WSCD2: variants seen among roughly 807,000 people sequenced by gnomAD.
WSCD2 encodes the protein WSC domain sialate O sulfotransferase 2.
In WSCD2, 28 loss-of-function variants were observed where a neutral mutation model predicts 55.7. The ratio of observed to expected loss-of-function variants is 0.50; its 90% CI spans 0.37 to 0.69. WSCD2 has a LOEUF of 0.69. WSCD2 is among the 30% of genes least tolerant of loss of function. WSCD2 has a pLI of 0.00. For missense variants in WSCD2, 616 were observed against 762.1 expected (o/e 0.81, Z 2.26); for synonymous variants, 301 against 301.9 (o/e 1.00, Z 0.03).
intron 1 of WSCD2, among the ~76,000 whole-genome samples, chr12:108,192,007 A>G (rs1376202494): frequency 2.0e-5 from 3 of 152,202 alleles, no homozygotes; most frequent in Admixed American, 2.0e-4. Flanking sequence ...GTGTTGGAAT[A>G]TGAAAGAACG....
At chr12:108,163,200 T>C (rs1468706181) in intron 1 of WSCD2, among the ~76,000 whole-genome samples, 3 of 152,018 alleles carry the variant, frequency 2.0e-5, no homozygotes, top group Admixed American at 6.5e-5. Flanking sequence ...AAATCCCGTC[T>C]CTACTAAAAA....
intron 1 of WSCD2, among the ~76,000 whole-genome samples, chr12:108,156,241 G>A (rs904549204): frequency 3.3e-5 from 5 of 152,154 alleles, no homozygotes; most frequent in African/African-American, 1.2e-4. Flanking sequence ...GCTCAGGTCC[G>A]TGTCCTGGCC....
At chr12:108,187,984 G>C (rs373659766) in intron 1 of WSCD2, among the ~76,000 whole-genome samples, 61 of 152,314 alleles carry the variant, frequency 4.0e-4, no homozygotes, top group Non-Finnish European at 5.1e-4. Context: ...AGGCACTAGA[G>C]TCATTACCCA....
chr12:108,166,795 T>G (rs1378682127), intron 1 of WSCD2, among the ~76,000 whole-genome samples: 11 of 149,474 alleles, frequency 7.4e-5, no homozygotes, highest in African/African-American at 1.2e-4. Context: ...CTTTCTGTCT[T>G]TCTTTCTTTC....
intron 2 of WSCD2, 118 bp from the exon 3 acceptor site, chr12:108,206,171 G>T: frequency 1.3e-6 from 1 of 795,398 alleles, no homozygotes. Flanking sequence ...CCCAAAGGAA[G>T]GACTTGACAT....
chr12:108,221,928 A>G (rs1442665435), intron 4 of WSCD2, among the ~76,000 whole-genome samples: 1 of 152,186 alleles, frequency 6.6e-6, no homozygotes, highest in Non-Finnish European at 1.5e-5. Context: ...CCAGAAAGCT[A>G]AGACAGCAGG....
Position 108,196,067 on chromosome 12 carries a change from A to G in WSCD2, c.235A>G (p.Thr79Ala). 6.2e-7 allele frequency: 1 copy of G among 1,614,158 alleles called. No homozygotes were observed. The highest frequency in any genetic ancestry group is 8.5e-7 in the Non-Finnish European group (1 of 1,180,018). ...GCATCTGGGCAGAGGTTTCCGGGACACAGGTGAAGCCTCAAGCATTGCTCG... is the reference window on the plus strand; with the variant it reads ...GCATCTGGGCAGAGGTTTCCGGGACGCAGGTGAAGCCTCAAGCATTGCTCG... The part of the protein sequence containing the change: ...DMHLGRGFRD[T>A]GEASSIARRY... The change falls in exon 2 of 9, where the codon ACA becomes GCA. Residue 79 changes from threonine (T) to alanine (A), a missense_variant. Physicochemically the swap from Thr to Ala is moderately conservative, Grantham distance 58. Transcript: ENST00000547525.
rs113409001 is a variant in WSCD2 at position 108,173,810 on chromosome 12, C to CTGTGTG, written c.-551-21432_-551-21427dup. Reference sequence around the variant, plus strand: ...TGAGGCAGAGCTGATTCCTGGCTCTCTGTGTGTGTGTGTGTGTGTGTGTGT... The same window carrying CTGTGTG: ...TGAGGCAGAGCTGATTCCTGGCTCTCTGTGTGTGTGTGTGTGTGTGTGTGTGTGTGT... On this transcript the variant is annotated intron_variant, in intron 1 of 8. Coordinates refer to ENST00000547525, the MANE Select transcript of WSCD2 (RefSeq NM_014653.4). 8.4e-3 allele frequency among the ~76,000 whole-genome samples: 1,107 copies of CTGTGTG among 131,198 alleles called. 23 individuals are homozygous for CTGTGTG. Among genetic ancestry groups the CTGTGTG allele is most frequent in the African/African-American group, 0.021 (697 of 32,714 alleles). 86.1% of individuals were successfully genotyped at this position (131,198 alleles called of 152,430 possible). A position where few individuals can be genotyped will look rare whatever the true frequency, so the allele number is the denominator to read the frequency against.
intron 1 of WSCD2, among the ~76,000 whole-genome samples, chr12:108,180,293 A>T (rs556779537): frequency 9.8e-5 from 15 of 152,342 alleles, no homozygotes; most frequent in African/African-American, 3.6e-4. Flanking sequence ...AACTGAAGAT[A>T]TAAAAACATG....
At chr12:108,221,670 C>G (rs754915079) in intron 4 of WSCD2, among the ~76,000 whole-genome samples, 1 of 152,248 alleles carries the variant, frequency 6.6e-6, no homozygotes, top group Non-Finnish European at 1.5e-5. Context: ...CTGTACAGAA[C>G]AGGCATGCAC....
chr12:108,180,423 C>T (rs1390563034), intron 1 of WSCD2, among the ~76,000 whole-genome samples: 5 of 152,214 alleles, frequency 3.3e-5, no homozygotes, highest in African/African-American at 9.6e-5. Flanking sequence ...AGGATACTCT[C>T]GCTGTGGATA....
chr12:108,185,173 C>A (rs1230873038), intron 1 of WSCD2, among the ~76,000 whole-genome samples: 1 of 152,184 alleles, frequency 6.6e-6, no homozygotes, highest in African/African-American at 2.4e-5. Flanking sequence ...AGCACCTGGA[C>A]CTTGGACCTT....
At chr12:108,205,432 G>T (rs1182404006) in intron 2 of WSCD2, among the ~76,000 whole-genome samples, 5 of 152,136 alleles carry the variant, frequency 3.3e-5, no homozygotes, top group African/African-American at 1.2e-4. Flanking sequence ...TATGGGAAAA[G>T]ACATTATAAA....
At chr12:108,158,050 A>G (rs1359532326) in intron 1 of WSCD2, among the ~76,000 whole-genome samples, 2 of 152,194 alleles carry the variant, frequency 1.3e-5, no homozygotes, top group African/African-American at 4.8e-5. Context: ...TACACTCGGC[A>G]GATTCCTTCT....
In WSCD2 at chr12:108,232,721, C is replaced by G. The variant is rs747680809; in HGVS notation, c.980-10C>G. 6.2e-7 allele frequency: 1 copy of G among 1,607,454 alleles called. No individual in the cohort carries two copies. Among genetic ancestry groups the G allele is most frequent in the Non-Finnish European group, 8.5e-7 (1 of 1,176,342 alleles). ...GGTGTTGACCTCTGTCCATGCTCCG[C>G]CCTTTTCAGACAACCGTTGCATGGA... On this transcript the variant is annotated splice_polypyrimidine_tract_variant and intron_variant, in intron 6 of 8. Coordinates refer to ENST00000547525, the MANE Select transcript of WSCD2 (RefSeq NM_014653.4).
At chr12:108,171,105 A>G (rs1880196044) in intron 1 of WSCD2, among the ~76,000 whole-genome samples, 2 of 152,154 alleles carry the variant, frequency 1.3e-5, no homozygotes, top group Non-Finnish European at 2.9e-5. Flanking sequence ...AGTCACTCAA[A>G]TCTCTTACCT....
chr12:108,214,589 G>A (rs1190904447), intron 4 of WSCD2, among the ~76,000 whole-genome samples: 1 of 152,166 alleles, frequency 6.6e-6, no homozygotes, highest in Non-Finnish European at 1.5e-5. Context: ...GGCTTTACGC[G>A]ATGTTGCAAG....
chr12:108,207,277 C>T (rs148673445), intron 3 of WSCD2, among the ~76,000 whole-genome samples: 7 of 152,166 alleles, frequency 4.6e-5, no homozygotes, highest in Non-Finnish European at 1.0e-4. Flanking sequence ...CTGTCTCTGA[C>T]GGTCACAAGC....
At chr12:108,223,726 C>G (rs899146355) in intron 4 of WSCD2, among the ~76,000 whole-genome samples, 3 of 152,190 alleles carry the variant, frequency 2.0e-5, no homozygotes, top group African/African-American at 7.2e-5. Context: ...TTGGGCCCAA[C>G]AGGAGCAAGC....
Sources: allele counts gnomAD v4.1 joint callset (sites outside exome capture counted in the v4.1 genomes callset), GRCh38; gene constraint gnomAD v4.1.1; transcripts MANE v1.5; gene names NCBI Gene and HGNC (gene_info 2026-07-23, HGNC 2026-07-21).